The following BLM variants were observed in gnomAD, a reference collection of about 807,000 sequenced individuals.
BLM encodes the protein recQ-like DNA helicase BLM.
BLM carries 95 observed loss-of-function variants against 135.3 expected under a neutral mutation model. The observed-to-expected ratio is 0.70, with a 90% CI of 0.59 to 0.83. The LOEUF (loss-of-function observed/expected upper bound fraction) is 0.83. Among genes scored for constraint, BLM ranks in the 40% least tolerant of loss-of-function variants. The pLI is 0.00. For synonymous variants in BLM, 520 were observed against 589.2 expected, an observed-to-expected ratio of 0.88 and a Z score of 1.70; for missense variants, 1,518 against 1,663.9, an observed-to-expected ratio of 0.91 and a Z score of 1.53.
chr15:90,785,135 C>A (rs1193842449), intron 14 of BLM, 54 bp downstream of exon 14: 1 of 1,543,476 alleles, frequency 6.5e-7, no homozygotes. Context: ...TAGCATATAA[C>A]CAAACATGCA....
chr15:90,750,019 G>T lies in BLM; in HGVS notation c.751G>T (p.Asp251Tyr). The T allele has an allele frequency of 6.8e-6, 11 of 1,614,190 alleles. No individual in the cohort carries two copies. Among genetic ancestry groups the T allele is most frequent in the Non-Finnish European group, 9.3e-6 (11 of 1,180,046 alleles). ...CATTGCTGAAGTGCATATAAATGAA[G>T]ATGCTCAGGAAAGTGACTCTCTGAA... ...GPIAEVHINE[D>Y]AQESDSLKTH... Residue 251 changes from aspartate to tyrosine, a missense_variant, in exon 3 of 22, where the codon GAT becomes TAT. Physicochemically the swap from Asp to Tyr is radical, Grantham distance 160. Coordinates refer to ENST00000355112, the MANE Select transcript of BLM (RefSeq NM_000057.4).
intron 1 of BLM, among the ~76,000 whole-genome samples, chr15:90,731,487 G>A (rs1203605045): frequency 1.3e-5 from 2 of 152,212 alleles, no homozygotes; most frequent in South Asian, 2.1e-4. Flanking sequence ...ACTCACCTGC[G>A]CCACTCTGGT....
chr15:90,746,063 T>C (rs1009389063), intron 1 of BLM, among the ~76,000 whole-genome samples: 2 of 152,072 alleles, frequency 1.3e-5, no homozygotes, highest in African/African-American at 2.4e-5. Context: ...GGGCAACAGA[T>C]CAAGACCCTG....
intron 5 of BLM, among the ~76,000 whole-genome samples, chr15:90,759,767 C>G (rs545783854): frequency 2.0e-5 from 3 of 151,666 alleles, no homozygotes; most frequent in Admixed American, 2.0e-4. Context: ...CCACCATGCC[C>G]GGCTAATTTT....
chr15:90,769,027 T>G, intron 10 of BLM, 106 bp from the exon 11 acceptor site: 1 of 1,015,184 alleles, frequency 9.9e-7, no homozygotes, highest in Non-Finnish European at 1.6e-6. Flanking sequence ...CACCCGGCCT[T>G]ATAGAGGTTT....
rs367543033 is a variant in BLM, at chr15:90,803,636, CTT to C, written c.3475_3476del (p.Leu1159IlefsTer6). ...TACTTGACAAGATTTTGGATGAAGA[CTT>C]ATATATCAATGCCAATGACCAGGCG... ...LILDKILDED[L>X]YINANDQAIA... On this transcript the variant is annotated frameshift_variant, in exon 18 of 22. Transcript: ENST00000355112. LOFTEE classifies it high-confidence loss of function. The C allele has an allele frequency of 3.1e-6, 5 of 1,614,086 alleles. No individual in the cohort carries two copies. Among genetic ancestry groups the C allele is most frequent in the East Asian group, 2.2e-5 (1 of 44,864 alleles).
intron 9 of BLM, among the ~76,000 whole-genome samples, chr15:90,766,245 G>T (rs3784780): frequency 6.6e-6 from 1 of 151,824 alleles, no homozygotes; most frequent in Non-Finnish European, 1.5e-5. Context: ...TCATATTATG[G>T]CCCCTTCATT....
intron 14 of BLM, among the ~76,000 whole-genome samples, chr15:90,785,840 T>C (rs906903055): frequency 1.3e-5 from 2 of 152,118 alleles, no homozygotes; most frequent in Non-Finnish European, 2.9e-5. Flanking sequence ...GCCTGTTTGC[T>C]TTTATTTAGC....
intron 12 of BLM, among the ~76,000 whole-genome samples, chr15:90,779,305 GTC>G (rs144009127): frequency 0.17 from 26,119 of 151,918 alleles, 2,300 homozygotes; most frequent in African/African-American, 0.19. Flanking sequence ...ACTTGTTTTT[GTC>G]TCTCTTTTTG....
intron 1 of BLM, among the ~76,000 whole-genome samples, chr15:90,741,270 C>T (rs1895357315): frequency 6.6e-6 from 1 of 152,174 alleles, no homozygotes; most frequent in Non-Finnish European, 1.5e-5. Flanking sequence ...TCTATCAGCA[C>T]ATCGAAGATA....
At chr15:90,791,935 C>T (rs146566915) in intron 15 of BLM, among the ~76,000 whole-genome samples, 13 of 152,058 alleles carry the variant, frequency 8.5e-5, no homozygotes, top group African/African-American at 1.9e-4. Context: ...CCACCACGCC[C>T]GGCCTTATAG....
rs1441322606 is a variant in BLM, at chr15:90,760,509, TG to T, written c.1221-83del. On this transcript the variant is annotated intron_variant, in intron 6 of 21. Transcript: ENST00000355112. ...AATATATTTTGCTACAATTTCTATT[TG>T]GTATGAAAACTACAGATTTGCTTTT... is the stretch of plus-strand genomic sequence containing the variant. The T allele has an allele frequency of 2.9e-6, 4 of 1,392,576 alleles. No homozygotes were observed. The African/African-American group carries it at 5.8e-5, about 20-fold the overall frequency. The allele number at this position is 1,392,576 out of a possible 1,614,324, so 86.3% of individuals were successfully genotyped here.
In BLM at chr15:90,784,983, C is replaced by A; in HGVS notation, c.2725C>A (p.Gln909Lys). The change falls in exon 14 of 22, where the codon CAG becomes AAG. Residue 909 changes from glutamine (Q) to lysine (K), a missense_variant. Gln to Lys is a moderately conservative substitution (Grantham distance 53, BLOSUM62 1). Transcript: ENST00000355112. ...ATGTGACACCATGGCTGACACGTTA[C>A]AGAGAGATGGGCTCGCTGCTCTTGC... ...RECDTMADTL[Q>K]RDGLAALAYH... 6.2e-7 allele frequency: 1 copy of A among 1,614,136 alleles called. No individual in the cohort carries two copies. Among genetic ancestry groups the A allele is most frequent in the East Asian group, 2.2e-5 (1 of 44,886 alleles).
At chr15:90,775,800 G>C (rs897449539) in intron 12 of BLM, among the ~76,000 whole-genome samples, 1 of 152,060 alleles carries the variant, frequency 6.6e-6, no homozygotes, top group Non-Finnish European at 1.5e-5. Flanking sequence ...GAGCCACCAC[G>C]CCCGGCCATA....
chr15:90,789,159 T>G (rs979715647), intron 14 of BLM, among the ~76,000 whole-genome samples: 2 of 152,082 alleles, frequency 1.3e-5, no homozygotes, highest in African/African-American at 4.8e-5. Flanking sequence ...GCATGTAATA[T>G]TAGCCTACAC....
At chr15:90,752,157 C>T (rs888204980) in intron 4 of BLM, among the ~76,000 whole-genome samples, 4 of 151,302 alleles carry the variant, frequency 2.6e-5, no homozygotes, top group African/African-American at 9.7e-5. Context: ...TTACATGAAA[C>T]TTCAAACAAT....
chr15:90,749,590 T>C lies in BLM; in HGVS notation c.322T>C (p.Leu108=), dbSNP rs1596218180. The C allele has an allele frequency of 6.2e-7, 1 of 1,614,158 alleles. No homozygotes were observed. The highest frequency in any genetic ancestry group is 8.5e-7 in the Non-Finnish European group (1 of 1,180,022). Residue 108 remains leucine, a synonymous_variant, in exon 3 of 22, where the codon TTG becomes CTG. Coordinates refer to ENST00000355112, the MANE Select transcript of BLM (RefSeq NM_000057.4). The stretch of plus-strand genomic sequence containing the variant: ...ACAGAGAGGTGGATCAAAATCATTA[T>C]TGCCAGATTTCTTGCAGACTCCGAA... ...ETQRGGSKSL[L]PDFLQTPKEV...
intron 16 of BLM, among the ~76,000 whole-genome samples, chr15:90,795,642 G>A (rs1897012330): frequency 6.6e-6 from 1 of 152,030 alleles, no homozygotes; most frequent in Admixed American, 6.5e-5. Flanking sequence ...TCATTCAACA[G>A]ATATTTGTTG....
In BLM at chr15:90,769,252, C is replaced by G. The variant is rs1037532826; in HGVS notation, c.2406+21C>G. ...GTCAGGTAAATACTGTTTTTTATAT[C>G]CGGAAATACCGATAAATACATACTA... On this transcript the variant is annotated intron_variant, in intron 11 of 21. Coordinates refer to ENST00000355112, the MANE Select transcript of BLM (RefSeq NM_000057.4). 1.9e-6 allele frequency: 3 copies of G among 1,576,322 alleles called. No homozygotes were observed. The African/African-American group carries it at 4.1e-5, about 21-fold the overall frequency.
Sources: allele counts gnomAD v4.1 joint callset (sites outside exome capture counted in the v4.1 genomes callset), GRCh38; gene constraint gnomAD v4.1.1; transcripts MANE v1.5; gene names NCBI Gene and HGNC (gene_info 2026-07-23, HGNC 2026-07-21).